SGCZ: variants seen among roughly 807,000 people sequenced by gnomAD.
SGCZ encodes sarcoglycan zeta, also known as zeta-sarcoglycan.
In SGCZ, 40 loss-of-function variants were observed where a neutral mutation model predicts 41.3. That is an observed-to-expected ratio of 0.97 (90% CI 0.75 to 1.26). The LOEUF is 1.26. SGCZ is among the 50% of genes most tolerant of loss of function. The pLI is 0.00. For missense variants in SGCZ, 552 were observed against 369.8 expected (o/e 1.49, Z -4.04); for synonymous variants, 206 against 137.5 (o/e 1.50, Z -3.49).
At chr8:15,111,875 G>A (rs7821558) in intron 1 of SGCZ, among the ~76,000 whole-genome samples, 1 of 150,622 alleles carries the variant, frequency 6.6e-6, no homozygotes, top group African/African-American at 2.5e-5. Flanking sequence ...ACTCCAGCCT[G>A]GCAACAGAGC....
chr8:14,897,206 T>C (rs1443123594), intron 1 of SGCZ, among the ~76,000 whole-genome samples: 1 of 152,204 alleles, frequency 6.6e-6, no homozygotes, highest in Non-Finnish European at 1.5e-5. Flanking sequence ...TTTTAATTAA[T>C]CTAATGCCTG....
chr8:14,920,770 C>G (rs1799565847), intron 1 of SGCZ, among the ~76,000 whole-genome samples: 1 of 152,042 alleles, frequency 6.6e-6, no homozygotes, highest in Admixed American at 6.5e-5. Context: ...TAATTTATAC[C>G]TAATTGTATT....
intron 1 of SGCZ, among the ~76,000 whole-genome samples, chr8:15,083,198 A>G (rs1805818685): frequency 6.6e-6 from 1 of 152,230 alleles, no homozygotes; most frequent in African/African-American, 2.4e-5. Flanking sequence ...GATTATAAAC[A>G]TTCATATCAA....
At chr8:14,691,647 T>C (rs1808800630) in intron 1 of SGCZ, among the ~76,000 whole-genome samples, 2 of 152,042 alleles carry the variant, frequency 1.3e-5, no homozygotes, top group African/African-American at 2.4e-5. Flanking sequence ...ACTCATATAG[T>C]AGAAATAGTT....
chr8:14,421,230 T>TTTTG (rs1403793643), intron 2 of SGCZ, among the ~76,000 whole-genome samples: 2 of 152,102 alleles, frequency 1.3e-5, no homozygotes, highest in African/African-American at 4.8e-5. Context: ...ATTGATCTCA[T>TTTTG]GTTTTCTTTC....
chr8:14,431,868 G>A (rs1238702465), intron 2 of SGCZ, among the ~76,000 whole-genome samples: 2 of 152,114 alleles, frequency 1.3e-5, no homozygotes, highest in Non-Finnish European at 2.9e-5. Context: ...AGTGGGCTAA[G>A]GATATGAATA....
At chr8:15,058,815 T>C (rs1804810000) in intron 1 of SGCZ, among the ~76,000 whole-genome samples, 1 of 152,212 alleles carries the variant, frequency 6.6e-6, no homozygotes, top group African/African-American at 2.4e-5. Flanking sequence ...ATTTTATTTT[T>C]ACAACTGCAA....
chr8:14,210,678 G>A (rs1805775003), intron 4 of SGCZ, among the ~76,000 whole-genome samples: 1 of 151,642 alleles, frequency 6.6e-6, no homozygotes, highest in Non-Finnish European at 1.5e-5. Flanking sequence ...TGTTGGCCAA[G>A]CTGTTCTTGA....
intron 1 of SGCZ, among the ~76,000 whole-genome samples, chr8:14,723,919 C>T (rs542297091): frequency 1.3e-5 from 2 of 152,004 alleles, no homozygotes; most frequent in African/African-American, 4.8e-5. Context: ...TATAGCAACA[C>T]ACAGGTCATT....
intron 1 of SGCZ, among the ~76,000 whole-genome samples, chr8:14,965,114 C>G (rs535927720): frequency 1.3e-5 from 2 of 152,206 alleles, no homozygotes; most frequent in East Asian, 3.9e-4. Context: ...CCTATCAGGA[C>G]AATCCCGATA....
intron 1 of SGCZ, among the ~76,000 whole-genome samples, chr8:14,841,174 T>G (rs1802895998): frequency 6.6e-6 from 1 of 152,020 alleles, no homozygotes; most frequent in Non-Finnish European, 1.5e-5. Flanking sequence ...TCTGAAACAT[T>G]AAACCCAAAA....
intron 4 of SGCZ, among the ~76,000 whole-genome samples, chr8:14,229,595 C>T (rs1806489571): frequency 6.6e-6 from 1 of 151,738 alleles, no homozygotes; most frequent in Non-Finnish European, 1.5e-5. Flanking sequence ...ACTCACTTTA[C>T]ATCAAACATT....
At chr8:15,065,897 T>A (rs1195948134) in intron 1 of SGCZ, among the ~76,000 whole-genome samples, 1 of 152,234 alleles carries the variant, frequency 6.6e-6, no homozygotes, top group Non-Finnish European at 1.5e-5. Context: ...GAAATTTTGT[T>A]TCACATATTT....
At chr8:14,238,889 A>G (rs540707468) in intron 3 of SGCZ, among the ~76,000 whole-genome samples, 1 of 152,160 alleles carries the variant, frequency 6.6e-6, no homozygotes, top group Admixed American at 6.5e-5. Flanking sequence ...GTCAATGTCA[A>G]TATACAAGTG....
intron 2 of SGCZ, among the ~76,000 whole-genome samples, chr8:14,325,747 CATAT>C (rs370021799): frequency 0.032 from 2,219 of 68,466 alleles, 24 homozygotes; most frequent in Non-Finnish European, 0.048. Flanking sequence ...CACACACACA[CATAT>C]ATATATATAT....
intron 1 of SGCZ, among the ~76,000 whole-genome samples, chr8:14,810,927 CCTTCA>C (rs1801719763): frequency 2.6e-5 from 4 of 151,984 alleles, no homozygotes; most frequent in African/African-American, 7.2e-5. Context: ...TCATCAATCC[CCTTCA>C]CTTGGAAAAC....
chr8:14,340,451 A>T (rs1249425120), intron 2 of SGCZ, among the ~76,000 whole-genome samples: 1 of 152,128 alleles, frequency 6.6e-6, no homozygotes, highest in Non-Finnish European at 1.5e-5. Flanking sequence ...ATTTATTGCA[A>T]CACATTACAG....
At chr8:15,016,315 G>C (rs1464653952) in intron 1 of SGCZ, among the ~76,000 whole-genome samples, 1 of 152,092 alleles carries the variant, frequency 6.6e-6, no homozygotes, top group Non-Finnish European at 1.5e-5. Context: ...CCTGCTAATG[G>C]ATCTTGATCT....
chr8:15,130,393 C>G (rs1241035304), intron 1 of SGCZ, among the ~76,000 whole-genome samples: 1 of 152,174 alleles, frequency 6.6e-6, no homozygotes, highest in Non-Finnish European at 1.5e-5. Flanking sequence ...GAAATGAATG[C>G]ACTAAAAAGA....
Sources: allele counts gnomAD v4.1 joint callset (sites outside exome capture counted in the v4.1 genomes callset), GRCh38; gene constraint gnomAD v4.1.1; transcripts MANE v1.5; gene names NCBI Gene and HGNC (gene_info 2026-07-23, HGNC 2026-07-21).